Variants in MAD1L1 observed in about 807,000 individuals in gnomAD.
The protein encoded by MAD1L1 is mitotic spindle assembly checkpoint protein MAD1.
MAD1L1 carries 95 observed loss-of-function variants against 96.9 expected under a neutral mutation model. The observed-to-expected ratio is 0.98, with a 90% confidence interval of 0.83 to 1.16. The LOEUF is 1.16. Among genes scored for constraint, MAD1L1 ranks in the 50% most tolerant of loss-of-function variants. The probability of loss-of-function intolerance (pLI) is 0.00; values close to 1 mark genes in which losing one functional copy is unlikely to be tolerated. For missense variants in MAD1L1, 1,007 were observed against 954.4 expected, an observed-to-expected ratio of 1.06 and a Z score of -0.73; for synonymous variants, 473 against 396.6, an observed-to-expected ratio of 1.19 and a Z score of -2.29.
chr7:2,151,777 A>G (rs1405958587), intron 10 of MAD1L1, among the ~76,000 whole-genome samples: 1 of 152,198 alleles, frequency 6.6e-6, no homozygotes. Flanking sequence ...AATCAACTGA[A>G]AAGTGACAGT....
intron 11 of MAD1L1, among the ~76,000 whole-genome samples, chr7:2,102,442 CACTGCTACTGTCACCA>C: frequency 1.2e-5 from 1 of 83,498 alleles, no homozygotes; most frequent in Non-Finnish European, 2.8e-5. Context: ...CCCTCACCAC[CACTGCTACTGTCACCA>C]CTCACCACCA....
chr7:1,940,964 G>GAAGGCCTCACCCTCCTCTTCCTCTCC lies in MAD1L1; in HGVS notation c.1597-4068_1597-4067insGGAGAGGAAGAGGAGGGTGAGGCCTT, dbSNP rs1778941111. Among the ~76,000 whole-genome samples the GAAGGCCTCACCCTCCTCTTCCTCTCC allele has an allele frequency of 2.2e-4, 14 of 64,328 alleles. 1 individual carries two copies. Among genetic ancestry groups the GAAGGCCTCACCCTCCTCTTCCTCTCC allele is most frequent in the African/African-American group, 7.2e-4 (12 of 16,706 alleles). 42.2% of individuals were successfully genotyped at this position (64,328 alleles called of 152,430 possible). On this transcript the variant is annotated intron_variant, in intron 16 of 18. Transcript: ENST00000265854. ...GCCTCACCCTCCTCTTCCTCCCCCC[G>GAAGGCCTCACCCTCCTCTTCCTCTCC]CAGGCCTCACCCTCCTCTTCCTCTC...
intron 11 of MAD1L1, among the ~76,000 whole-genome samples, chr7:2,075,115 G>A (rs943775331): frequency 6.6e-6 from 1 of 152,212 alleles, no homozygotes; most frequent in African/African-American, 2.4e-5. Flanking sequence ...GTCTCGAGAG[G>A]AGGGGAAGGT....
Position 1,936,774 on chromosome 7 carries a change from G to A in MAD1L1, c.1720C>T (p.Leu574Phe), listed in dbSNP as rs772841396. ...LQAECERLRG[L>F]LRAMERGGTV... Reference sequence around the variant, plus strand: ...CCTCCTCTCTCCATGGCGCGCAGGAGCCCGCGCAGTCGCTCGCACTCCGCC... The same window carrying A: ...CCTCCTCTCTCCATGGCGCGCAGGAACCCGCGCAGTCGCTCGCACTCCGCC... Residue 574 changes from leucine (L) to phenylalanine (F), a missense_variant, in exon 17 of 19, where the codon CTC becomes TTC. Physicochemically the swap from Leu to Phe is conservative, Grantham distance 22 (BLOSUM62 0). Transcript: ENST00000265854. 19 of 1,575,750 alleles carry A rather than the reference G, an allele frequency of 1.2e-5. No individual in the cohort carries two copies. In the African/African-American group the frequency reaches 2.2e-4, roughly 18 times the overall value.
intron 10 of MAD1L1, among the ~76,000 whole-genome samples, chr7:2,205,246 G>T (rs1475928014): frequency 1.3e-5 from 2 of 152,078 alleles, no homozygotes; most frequent in South Asian, 4.1e-4. Flanking sequence ...CTTTGCTAAA[G>T]AACAGGCACG....
At chr7:2,033,105 G>A (rs374243949) in intron 12 of MAD1L1, among the ~76,000 whole-genome samples, 34 of 152,332 alleles carry the variant, frequency 2.2e-4, no homozygotes, top group East Asian at 3.9e-4. Context: ...GAGAGCTCAC[G>A]CTCCCAGCCC....
intron 2 of MAD1L1, 91 bp downstream of exon 2, chr7:2,230,458 C>A (rs993429375): frequency 3.4e-6 from 1 of 295,212 alleles, no homozygotes; most frequent in African/African-American, 2.1e-5. Flanking sequence ...CGTCCCCCAA[C>A]TGCACTGTAA....
At chr7:2,120,529 GCCC>G (rs1787925286) in intron 11 of MAD1L1, among the ~76,000 whole-genome samples, 1 of 152,220 alleles carries the variant, frequency 6.6e-6, no homozygotes, top group Admixed American at 6.5e-5. Context: ...CCAAGCGGAA[GCCC>G]CACACCCAGG....
rs1783998980 is a variant in MAD1L1 at position 2,047,913 on chromosome 7, G to T, written c.1218+21281C>A. Among the ~76,000 whole-genome samples the T allele has an allele frequency of 2.6e-5, 4 of 152,066 alleles. No individual in the cohort carries two copies. In the South Asian group the frequency reaches 8.3e-4, roughly 32 times the overall value. On this transcript the variant is annotated intron_variant, in intron 12 of 18. Transcript: ENST00000265854. The stretch of plus-strand genomic sequence containing the variant: ...AGATACATGCACACTCATGCTCAAT[G>T]CACAGTTCACACAGATGTGCATGCA...
At chr7:1,870,992 T>A (rs79610527) in intron 18 of MAD1L1, among the ~76,000 whole-genome samples, 3 of 78,572 alleles carry the variant, frequency 3.8e-5, no homozygotes, top group South Asian at 4.7e-4. Flanking sequence ...ACGCCTGCCA[T>A]GCCGAACCAA....
At chr7:1,836,662 C>T (rs762069407) in intron 18 of MAD1L1, among the ~76,000 whole-genome samples, 11 of 152,028 alleles carry the variant, frequency 7.2e-5, no homozygotes, top group Admixed American at 3.3e-4. Context: ...ATAGAGTCAG[C>T]GTAATTCCAA....
At chr7:2,219,757 G>A (rs927221207) in intron 5 of MAD1L1, among the ~76,000 whole-genome samples, 2 of 152,084 alleles carry the variant, frequency 1.3e-5, no homozygotes, top group African/African-American at 4.8e-5. Context: ...AGGTCAGGCA[G>A]ACGCTCACAC....
At chr7:1,987,572 G>C (rs532143261) in intron 14 of MAD1L1, among the ~76,000 whole-genome samples, 45 of 152,274 alleles carry the variant, frequency 3.0e-4, no homozygotes, top group South Asian at 1.7e-3. Flanking sequence ...CATCGGGGAG[G>C]GGGGGAGAGG....
chr7:1,873,839 T>C (rs1317441012), intron 18 of MAD1L1, among the ~76,000 whole-genome samples: 1 of 152,150 alleles, frequency 6.6e-6, no homozygotes, highest in Non-Finnish European at 1.5e-5. Context: ...CTCCAGATGC[T>C]GAGGGACTCC....
intron 12 of MAD1L1, among the ~76,000 whole-genome samples, chr7:2,044,717 C>T (rs562012189): frequency 5.9e-5 from 9 of 152,298 alleles, no homozygotes; most frequent in East Asian, 1.9e-4. Flanking sequence ...ACGTGTTTCC[C>T]GCTCAGCTTT....
intron 15 of MAD1L1, among the ~76,000 whole-genome samples, chr7:1,978,591 C>T (rs1017089287): frequency 6.6e-6 from 1 of 152,158 alleles, no homozygotes; most frequent in African/African-American, 2.4e-5. Flanking sequence ...GGCACCTGCC[C>T]GGTCTCCAGC....
chr7:1,934,103 C>T lies in MAD1L1; in HGVS notation c.1807+2584G>A, dbSNP rs543496572. 4.6e-5 allele frequency among the ~76,000 whole-genome samples: 7 copies of T among 152,380 alleles called. No homozygotes were observed. In the South Asian group the frequency reaches 1.0e-3, roughly 23 times the overall value. On this transcript the variant is annotated intron_variant, in intron 17 of 18. Coordinates refer to ENST00000265854, the MANE Select transcript of MAD1L1 (RefSeq NM_001013836.2). ...TGTGATTTTTGGGGGCACAGACACG[C>T]GCTGCATCAGCCACTGGGGCCTGGA...
At chr7:1,912,774 C>A (rs540094647) in intron 17 of MAD1L1, among the ~76,000 whole-genome samples, 54 of 152,338 alleles carry the variant, frequency 3.5e-4, no homozygotes, top group African/African-American at 1.3e-3. Flanking sequence ...GATATCACAG[C>A]CGAGTCAAGA....
At chr7:2,153,596 G>C (rs1336010527) in intron 10 of MAD1L1, among the ~76,000 whole-genome samples, 1 of 152,150 alleles carries the variant, frequency 6.6e-6, no homozygotes, top group Non-Finnish European at 1.5e-5. Flanking sequence ...AGCTGCTGTT[G>C]GAAGGAATGT....
Sources: gnomAD v4.1 joint callset for allele counts (sites outside exome capture counted in the v4.1 genomes callset) on GRCh38, gnomAD v4.1.1 for gene constraint, MANE v1.5 for transcripts, NCBI Gene and HGNC (gene_info 2026-07-23, HGNC 2026-07-21) for gene names.